NUP58: variants seen among roughly 807,000 people sequenced by gnomAD.
NUP58 encodes nucleoporin 58.
In NUP58, 17 loss-of-function variants were observed where a neutral mutation model predicts 70.1. The ratio of observed to expected loss-of-function variants is 0.24; its 90% CI spans 0.17 to 0.36. The LOEUF is 0.36. Ranked by LOEUF, NUP58 falls within the 10% of genes least tolerant of loss-of-function variation. The pLI is 1.00. For synonymous variants in NUP58, 275 were observed against 257.6 expected (o/e 1.07, Z -0.65); for missense variants, 644 against 701.5 (o/e 0.92, Z 0.93).
intron 2 of NUP58, 53 bp downstream of exon 2, chr13:25,308,001 T>G: frequency 2.5e-6 from 4 of 1,596,866 alleles, no homozygotes; most frequent in Admixed American, 3.4e-5. Flanking sequence ...TATTCTTTCC[T>G]AAATTGTGTC....
At chr13:25,335,139 G>A (rs2031736134) in intron 13 of NUP58, 1 of 985,144 alleles carries the variant, frequency 1.0e-6, no homozygotes, top group East Asian at 1.1e-4. Context: ...AAATGATGTT[G>A]CCTTCAGAAT....
At chr13:25,343,826 T>TATATATAC (rs1491561346), downstream of NUP58, among the ~76,000 whole-genome samples, 1 of 127,554 alleles carries the variant, frequency 7.8e-6, no homozygotes, top group East Asian at 2.2e-4. Flanking sequence ...TATATATATA[T>TATATATAC]ACACATATAT....
intron 6 of NUP58, among the ~76,000 whole-genome samples, chr13:25,318,539 A>C (rs1413608997): frequency 1.3e-5 from 2 of 152,186 alleles, no homozygotes; most frequent in African/African-American, 4.8e-5. Flanking sequence ...TAATATACTT[A>C]ATGTTGAAAT....
chr13:25,301,897 G>A lies in NUP58; in HGVS notation c.107+17G>A. On this transcript the variant is annotated intron_variant, in intron 1 of 15. Transcript: ENST00000381736. ...AGCGTCTAGGTAACCGCACTTTCTC[G>A]CCTTCCTGGGCCGGATTCACCCCCA... 2 of 1,550,032 alleles carry A rather than the reference G, an allele frequency of 1.3e-6. No individual in the cohort carries two copies. Among genetic ancestry groups the A allele is most frequent in the South Asian group, 1.1e-5 (1 of 88,550 alleles).
chr13:25,344,087 T>C (rs1320820816), downstream of NUP58, among the ~76,000 whole-genome samples: 1 of 152,098 alleles, frequency 6.6e-6, no homozygotes, highest in Non-Finnish European at 1.5e-5. Flanking sequence ...ATCCTAATTA[T>C]AAGTCTTTGT....
intron 9 of NUP58, among the ~76,000 whole-genome samples, chr13:25,323,462 A>G (rs2137783704): frequency 6.6e-6 from 1 of 152,258 alleles, no homozygotes; most frequent in African/African-American, 2.4e-5. Flanking sequence ...ATTTTTAAAG[A>G]AATTTGATCT....
Position 25,312,948 on chromosome 13 carries a change from T to A in NUP58, c.352T>A (p.Ser118Thr), listed in dbSNP as rs140895987. The A allele has an allele frequency of 1.0e-4, 169 of 1,614,172 alleles. No individual in the cohort carries two copies. Among genetic ancestry groups the A allele is most frequent in the Non-Finnish European group, 1.3e-4 (158 of 1,179,996 alleles). Residue 118 changes from serine to threonine, a missense_variant, in exon 4 of 16, where the codon TCT becomes ACT. This residue lies in a region of NUP58 where 430 missense variants were observed against 409.2 expected (regional missense o/e 1.05). Transcript: ENST00000381736. ...TTTAGGATTCAATAAACCTGCAGCA[T>A]CTGCCACACCATTTGCTCTACCTAT... is the stretch of plus-strand genomic sequence containing the variant. ...FSLGFNKPAA[S>T]ATPFALPITS...
intron 1 of NUP58, among the ~76,000 whole-genome samples, chr13:25,306,910 G>A (rs554196976): frequency 1.3e-5 from 2 of 152,196 alleles, no homozygotes; most frequent in East Asian, 1.9e-4. Flanking sequence ...CTGAGACAGG[G>A]TGATTTTGCT....
At chr13:25,321,855 T>C (rs1310856228) in intron 9 of NUP58, among the ~76,000 whole-genome samples, 1 of 152,114 alleles carries the variant, frequency 6.6e-6, no homozygotes, top group Non-Finnish European at 1.5e-5. Context: ...AGGCGGAGGT[T>C]GCAGTGAGCC....
intron 1 of NUP58, among the ~76,000 whole-genome samples, chr13:25,305,936 C>T (rs770918339): frequency 3.0e-4 from 46 of 152,268 alleles, no homozygotes; most frequent in Middle Eastern, 3.4e-3. Flanking sequence ...GTTTATCCCC[C>T]TGGTAAACGG....
intron 13 of NUP58, chr13:25,334,634 A>G: frequency 1.0e-6 from 1 of 982,018 alleles, no homozygotes; most frequent in African/African-American, 1.7e-5. Context: ...TTATTTTAAA[A>G]TGTGACTTAG....
chr13:25,336,345 CATT>C, intron 13 of NUP58: 1 of 1,033,388 alleles, frequency 9.7e-7, no homozygotes, highest in South Asian at 1.3e-5. Flanking sequence ...TAAAATAAAA[CATT>C]GTCTTGTTTT....
chr13:25,320,993 A>G lies in NUP58; in HGVS notation c.851A>G (p.Gln284Arg), dbSNP rs1178743547. The G allele has an allele frequency of 1.9e-6, 3 of 1,601,316 alleles. No individual in the cohort carries two copies. Among genetic ancestry groups the G allele is most frequent in the Non-Finnish European group, 2.6e-6 (3 of 1,175,452 alleles). ...TCTTCAAAAGCAATGCTTAAGGTAC[A>G]AGAAGATATTAAAGCTCTGAAGCAG... is the stretch of plus-strand genomic sequence containing the variant. ...RMSSKAMLKV[Q>R]EDIKALKQLL... is the part of the protein sequence containing the mutation. The change falls in exon 9 of 16, where the codon CAA becomes CGA. Residue 284 changes from glutamine (Q) to arginine (R), a missense_variant. Transcript: ENST00000381736.
chr13:25,348,768 C>A (rs937622801), intron 3 of NUP58, among the ~76,000 whole-genome samples: 2 of 152,150 alleles, frequency 1.3e-5, no homozygotes, highest in Admixed American at 6.5e-5. Flanking sequence ...TACTTGGTAT[C>A]CCTGCTTTCT....
intron 12 of NUP58, among the ~76,000 whole-genome samples, chr13:25,327,938 C>T (rs886439086): frequency 2.6e-5 from 4 of 152,124 alleles, no homozygotes. Flanking sequence ...CAGTGGCTTA[C>T]ACCTGTAATC....
At chr13:25,334,374 C>G in intron 13 of NUP58, 1 of 985,190 alleles carries the variant, frequency 1.0e-6, no homozygotes, top group Non-Finnish European at 1.2e-6. Context: ...ATAAGACTTT[C>G]TTATGTGACT....
rs114539786 is a variant in NUP58, at chr13:25,308,653, T to C, written c.251-594T>C. ...AGAGATGTTTTACATTTTTGTATTATTAAAACAAAGTGGGAAAAGGGCAAT... is the reference window on the plus strand; with the variant it reads ...AGAGATGTTTTACATTTTTGTATTACTAAAACAAAGTGGGAAAAGGGCAAT... On this transcript the variant is annotated intron_variant, in intron 2 of 15. Transcript: ENST00000381736. Among the ~76,000 whole-genome samples, 762 of 152,254 alleles carry C rather than the reference T, an allele frequency of 5.0e-3. 5 individuals carry two copies. The highest frequency in any genetic ancestry group is 0.017 in the African/African-American group (706 of 41,542).
intron 9 of NUP58, among the ~76,000 whole-genome samples, chr13:25,324,023 AC>A (rs1208489532): frequency 1.6e-4 from 25 of 152,086 alleles, no homozygotes; most frequent in African/African-American, 5.1e-4. Context: ...AGTATCATGA[AC>A]GAGGGTATGG....
At chr13:25,329,575 C>G (rs933651662) in intron 12 of NUP58, among the ~76,000 whole-genome samples, 1 of 152,154 alleles carries the variant, frequency 6.6e-6, no homozygotes, top group Non-Finnish European at 1.5e-5. Flanking sequence ...ATTTTATAAT[C>G]AGATTTGGTA....
Sources: gnomAD v4.1 joint callset for allele counts (sites outside exome capture counted in the v4.1 genomes callset) on GRCh38, gnomAD v4.1.1 for gene constraint, gnomAD v4.1.1 regional missense constraint, MANE v1.5 for transcripts, NCBI Gene and HGNC (gene_info 2026-07-23, HGNC 2026-07-21) for gene names.